UNC13B: variants seen among roughly 807,000 people sequenced by gnomAD.
UNC13B encodes protein unc-13 homolog B.
UNC13B carries 144 observed loss-of-function variants against 211.0 expected under a neutral mutation model. That is an observed-to-expected ratio of 0.68 (90% CI 0.60 to 0.78). The LOEUF is 0.78. Ranked by LOEUF, UNC13B falls within the 30% of genes least tolerant of loss-of-function variation. The probability of loss-of-function intolerance (pLI) is 0.00; values close to 1 mark genes in which losing one functional copy is unlikely to be tolerated. For synonymous variants in UNC13B, 709 were observed against 725.8 expected (o/e 0.98, Z 0.37); for missense variants, 1,777 against 2,002.0 (o/e 0.89, Z 2.14).
At chr9:35,281,248 C>CAAAA (rs74176713) in intron 7 of UNC13B, among the ~76,000 whole-genome samples, 1 of 117,296 alleles carries the variant, frequency 8.5e-6, no homozygotes, top group South Asian at 2.9e-4. Context: ...GACTCTATCT[C>CAAAA]AAAAAAAAAA....
intron 7 of UNC13B, among the ~76,000 whole-genome samples, chr9:35,271,458 G>T (rs552758586): frequency 2.0e-5 from 3 of 152,164 alleles, no homozygotes; most frequent in East Asian, 3.9e-4. Context: ...TGTGCAATCT[G>T]ATTTGCATAT....
At chr9:35,290,027 C>T (rs1325875078) in intron 7 of UNC13B, among the ~76,000 whole-genome samples, 1 of 152,064 alleles carries the variant, frequency 6.6e-6, no homozygotes, top group Non-Finnish European at 1.5e-5. Context: ...CTTCTTGTTT[C>T]TTGAGATTAA....
chr9:35,362,826 T>A (rs1833517088), intron 11 of UNC13B, among the ~76,000 whole-genome samples: 2 of 150,128 alleles, frequency 1.3e-5, no homozygotes, highest in African/African-American at 4.9e-5. Flanking sequence ...AAAATCTGCA[T>A]CTATTTGCTC....
chr9:35,334,729 G>T (rs918134021), intron 11 of UNC13B, among the ~76,000 whole-genome samples: 6 of 152,200 alleles, frequency 3.9e-5, no homozygotes, highest in Non-Finnish European at 8.8e-5. Context: ...AAAGATTTAT[G>T]GAATGAACAC....
At chr9:35,237,621 A>C in intron 4 of UNC13B, 82 bp from the exon 5 acceptor site, 1 of 1,562,022 alleles carries the variant, frequency 6.4e-7, no homozygotes, top group South Asian at 1.2e-5. Flanking sequence ...CAAACAAGGA[A>C]CTTCAGAGAA....
chr9:35,199,868 G>T (rs917684270), intron 1 of UNC13B, among the ~76,000 whole-genome samples: 5 of 152,004 alleles, frequency 3.3e-5, no homozygotes, highest in African/African-American at 1.2e-4. Context: ...GTCAATTTTG[G>T]CTTTTGTTGC....
At chr9:35,351,989 C>T (rs762317519) in intron 11 of UNC13B, 23 of 1,232,100 alleles carry the variant, frequency 1.9e-5, no homozygotes, top group African/African-American at 4.7e-5. Flanking sequence ...AGGCATCAGC[C>T]GTCTTCAGAC....
rs897716517 is a variant in UNC13B at position 35,331,740 on chromosome 9, A to G, written c.9414+17751A>G. On this transcript the variant is annotated intron_variant, in intron 11 of 39. Coordinates refer to ENST00000635942, the MANE Select transcript of UNC13B (RefSeq NM_001371189.2). ...ATTCTTACTTTCTGTGCAGCATTCC[A>G]TAGTGTTTTTAAAACTCCCTTTTTT... Among the ~76,000 whole-genome samples, 7 of 152,230 alleles carry G rather than the reference A, an allele frequency of 4.6e-5. 1 individual carries two copies. Among genetic ancestry groups the G allele is most frequent in the Admixed American group, 1.3e-4 (2 of 15,284 alleles).
At chr9:35,197,360 C>T (rs1042704780) in intron 1 of UNC13B, among the ~76,000 whole-genome samples, 5 of 151,794 alleles carry the variant, frequency 3.3e-5, no homozygotes, top group African/African-American at 1.2e-4. Flanking sequence ...GGTGTGTGCC[C>T]CCACACCCGG....
chr9:35,334,253 A>C (rs1021092207), intron 11 of UNC13B, among the ~76,000 whole-genome samples: 3 of 152,218 alleles, frequency 2.0e-5, no homozygotes, highest in African/African-American at 7.2e-5. Context: ...GGCGTGAGCC[A>C]CTGCACCTAG....
chr9:35,235,342 C>A (rs929781446), intron 3 of UNC13B, among the ~76,000 whole-genome samples: 1 of 152,158 alleles, frequency 6.6e-6, no homozygotes, highest in East Asian at 1.9e-4. Context: ...TGAACTAGCA[C>A]ACTCTAGAGC....
intron 11 of UNC13B, among the ~76,000 whole-genome samples, chr9:35,319,714 G>A (rs1830646133): frequency 6.6e-6 from 1 of 151,770 alleles, no homozygotes; most frequent in Admixed American, 6.6e-5. Context: ...AGGCTGGAGT[G>A]CACGGGCATG....
rs1355285032 is a variant in UNC13B, at chr9:35,236,507, T to C, written c.191T>C (p.Val64Ala). ...CTGGACCTGGGTCTAAGTGTGGAGG[T>C]ATGGAACAAAGGACTGATCTGGGAC... The part of the protein sequence containing the change: ...SRLDLGLSVE[V>A]WNKGLIWDTM... Residue 64 changes from valine (V) to alanine (A), a missense_variant, in exon 4 of 40, where the codon GTA becomes GCA. Transcript: ENST00000635942. 1 of 1,613,906 alleles carries C rather than the reference T, an allele frequency of 6.2e-7. No individual in the cohort carries two copies. The highest frequency in any genetic ancestry group is 1.3e-5 in the African/African-American group (1 of 74,904).
chr9:35,381,067 T>A, intron 18 of UNC13B, 33 bp from the exon 19 acceptor site: 2 of 1,593,282 alleles, frequency 1.3e-6, no homozygotes, highest in South Asian at 2.2e-5. Flanking sequence ...CTAGTTGCAT[T>A]GGTGTCAATC....
At chr9:35,353,430 G>C in intron 11 of UNC13B, 2 of 1,232,302 alleles carry the variant, frequency 1.6e-6, no homozygotes, top group South Asian at 8.2e-5. Flanking sequence ...GTGAGTTCAG[G>C]GGGTGCCCAG....
At chr9:35,332,053 C>T (rs1326917286) in intron 11 of UNC13B, among the ~76,000 whole-genome samples, 1 of 151,882 alleles carries the variant, frequency 6.6e-6, no homozygotes, top group Non-Finnish European at 1.5e-5. Context: ...GCGATCTCAG[C>T]TCACTGCAAC....
intron 7 of UNC13B, among the ~76,000 whole-genome samples, chr9:35,277,290 C>T (rs1441604447): frequency 6.6e-6 from 1 of 152,160 alleles, no homozygotes; most frequent in Non-Finnish European, 1.5e-5. Context: ...TTACTTTCTC[C>T]AGAGCTTGTA....
chr9:35,209,139 A>G (rs1322203847), intron 1 of UNC13B, among the ~76,000 whole-genome samples: 1 of 152,146 alleles, frequency 6.6e-6, no homozygotes, highest in Non-Finnish European at 1.5e-5. Context: ...ATCACGGCTC[A>G]CTGCAGTCTC....
intron 1 of UNC13B, among the ~76,000 whole-genome samples, chr9:35,206,713 A>G (rs1457538641): frequency 6.6e-6 from 1 of 151,998 alleles, no homozygotes; most frequent in East Asian, 1.9e-4. Flanking sequence ...ATCTCTACTA[A>G]AAGTGCAATA....
Sources: allele counts gnomAD v4.1 joint callset (sites outside exome capture counted in the v4.1 genomes callset), GRCh38; gene constraint gnomAD v4.1.1; transcripts MANE v1.5; gene names NCBI Gene and HGNC (gene_info 2026-07-23, HGNC 2026-07-21).